ZNF557: variants seen among roughly 807,000 people sequenced by gnomAD.
ZNF557 encodes the protein zinc finger protein 557, also known as CTB-25J19.9.
In ZNF557, 19 loss-of-function variants were observed where a neutral mutation model predicts 21.2. The ratio of observed to expected loss-of-function variants is 0.90; its 90% CI spans 0.63 to 1.32. ZNF557 has a LOEUF of 1.32. Ranked by LOEUF, ZNF557 falls within the 40% of genes most tolerant of loss-of-function variation. The probability of loss-of-function intolerance (pLI) is 0.00; values close to 1 mark genes in which losing one functional copy is unlikely to be tolerated. For synonymous variants in ZNF557, 207 were observed against 194.8 expected (o/e 1.06, Z -0.52); for missense variants, 487 against 519.8 (o/e 0.94, Z 0.61).
chr19:7,074,240 TC>T, intron 2 of ZNF557, among the ~76,000 whole-genome samples: 1 of 151,504 alleles, frequency 6.6e-6, no homozygotes. Flanking sequence ...TCTCCTGACC[TC>T]GTGATCCGCC....
Position 7,076,398 on chromosome 19 carries a change from G to C in ZNF557, c.138G>C (p.Glu46Asp). The C allele has an allele frequency of 6.2e-7, 1 of 1,614,186 alleles. No individual in the cohort carries two copies. Among genetic ancestry groups the C allele is most frequent in the Non-Finnish European group, 8.5e-7 (1 of 1,180,034 alleles). The change falls in exon 5 of 8, where the codon GAG becomes GAC. Residue 46 changes from glutamate to aspartate, a missense_variant. Physicochemically the swap from Glu to Asp is conservative, Grantham distance 45. Transcript: ENST00000252840. Reference sequence around the variant, plus strand: ...TGCTTTAGGGCTTGGTGACCTTTGAGGATGTGGCCGTGGAGTTCACCCAGG... The same window carrying C: ...TGCTTTAGGGCTTGGTGACCTTTGACGATGTGGCCGTGGAGTTCACCCAGG... ...KSWLKGLVTF[E>D]DVAVEFTQEE...
In ZNF557 at chr19:7,083,743, G is replaced by A. The variant is rs186428378; in HGVS notation, c.1292G>A (p.Ter431=). Reference sequence around the variant, plus strand: ...ACGAGAATGCATAATAGGCAAATGTGAATTCAATAACTGTGGGAAAAGCAT... The same window carrying A: ...ACGAGAATGCATAATAGGCAAATGTAAATTCAATAACTGTGGGAAAAGCAT... ...VHTRMHNRQM[*] is the part of the protein sequence containing the mutation. Residue 431 remains the stop codon, a stop_retained_variant, in exon 8 of 8, where the codon TGA becomes TAA. Transcript: ENST00000252840. 1.1e-3 allele frequency: 1,796 copies of A among 1,594,606 alleles called. 2 individuals are homozygous for A. Among genetic ancestry groups the A allele is most frequent in the Non-Finnish European group, 1.4e-3 (1,659 of 1,169,632 alleles).
rs909008716 is a variant in ZNF557, at chr19:7,086,398, G to C, written c.*2654G>C. 4 of 102,876 alleles carry C rather than the reference G, an allele frequency of 3.9e-5. No homozygotes were observed. Among genetic ancestry groups the C allele is most frequent in the Non-Finnish European group, 7.0e-5 (4 of 57,100 alleles). The allele number at this position is 102,876 out of a possible 1,614,324, so 6.4% of individuals were successfully genotyped here. ...TTTTTTTGAGACGGAGTCTTGCTCT[G>C]TTGTCCAGGCTAGAATGCAGTGGCG... On this transcript the variant is annotated 3_prime_UTR_variant, in exon 8 of 8. Coordinates refer to ENST00000252840, the MANE Select transcript of ZNF557 (RefSeq NM_024341.3).
intron 5 of ZNF557, 89 bp downstream of exon 5, chr19:7,076,596 A>C (rs1376148074): frequency 6.5e-7 from 1 of 1,529,368 alleles, no homozygotes; most frequent in Non-Finnish European, 8.8e-7. Flanking sequence ...CACAGGACAC[A>C]AAAGTCACCA....
rs374030333 is a variant in ZNF557 at position 7,074,310 on chromosome 19, G to A, written c.-79-686G>A. On this transcript the variant is annotated intron_variant, in intron 2 of 7. Coordinates refer to ENST00000252840, the MANE Select transcript of ZNF557 (RefSeq NM_024341.3). ...CAGGAGCCACCGCGCCTGGCCAGCC[G>A]CTTTCATCTTTGTGTGTATATACAC... Among the ~76,000 whole-genome samples the A allele has an allele frequency of 1.7e-4, 24 of 139,556 alleles. No individual in the cohort carries two copies. In the East Asian group the frequency reaches 2.3e-3, roughly 13 times the overall value. The allele number at this position is 139,556 out of a possible 152,430, so 91.6% of individuals were successfully genotyped here. A position where few individuals can be genotyped will look rare whatever the true frequency, so the allele number is the denominator to read the frequency against.
chr19:7,075,025 A>G lies in ZNF557; in HGVS notation c.-50A>G. On this transcript the variant is annotated 5_prime_UTR_variant, in exon 3 of 8. Transcript: ENST00000252840. Reference sequence around the variant, plus strand: ...CTGTCCTGAGAGCGCTGCGGGATAAAGGAGGAGCGTCCTGCTTCCCGGCTG... The same window carrying G: ...CTGTCCTGAGAGCGCTGCGGGATAAGGGAGGAGCGTCCTGCTTCCCGGCTG... 6.2e-7 allele frequency: 1 copy of G among 1,613,792 alleles called. No individual in the cohort carries two copies.
At chr19:7,082,121 G>A in intron 7 of ZNF557, 69 bp downstream of exon 7, 3 of 1,310,196 alleles carry the variant, frequency 2.3e-6, no homozygotes, top group Non-Finnish European at 3.3e-6. Context: ...AAGCCACAAG[G>A]ACTGGCCTTG....
At chr19:7,073,157 G>T (rs10412184) in intron 2 of ZNF557, among the ~76,000 whole-genome samples, 1,579 of 135,966 alleles carry the variant, frequency 0.012, 14 homozygotes, top group Non-Finnish European at 0.015. Context: ...GGTTTTTTTT[G>T]TTTTTTTTTT....
chr19:7,076,292 C>T, intron 4 of ZNF557, 89 bp from the exon 5 acceptor site: 1 of 1,613,220 alleles, frequency 6.2e-7, no homozygotes, highest in South Asian at 1.1e-5. Context: ...CAGGTTTCCC[C>T]AGCCCTGGCT....
At chr19:7,073,742 C>G (rs1158640656) in intron 2 of ZNF557, among the ~76,000 whole-genome samples, 1 of 152,152 alleles carries the variant, frequency 6.6e-6, no homozygotes, top group African/African-American at 2.4e-5. Flanking sequence ...CAATCCTTCT[C>G]TCCCCGGAGA....
At position 7,085,930 on chromosome 19, in the gene ZNF557, T is replaced by C. The variant is rs982485722; in HGVS notation, c.*2186T>C. 9.2e-5 allele frequency: 14 copies of C among 152,104 alleles called. No individual in the cohort carries two copies. Among genetic ancestry groups the C allele is most frequent in the African/African-American group, 2.9e-4 (12 of 41,420 alleles). 9.4% of individuals were successfully genotyped at this position (152,104 alleles called of 1,614,324 possible). A position where few individuals can be genotyped will look rare whatever the true frequency, so the allele number is the denominator to read the frequency against. ...AGCTCCTGAGTGATCTAGTTTGTTATAATAGAAATTAGACATTTGCCAGGT... is the reference window on the plus strand; with the variant it reads ...AGCTCCTGAGTGATCTAGTTTGTTACAATAGAAATTAGACATTTGCCAGGT... On this transcript the variant is annotated 3_prime_UTR_variant, in exon 8 of 8. Coordinates refer to ENST00000252840, the MANE Select transcript of ZNF557 (RefSeq NM_024341.3).
chr19:7,074,983 C>T lies in ZNF557; in HGVS notation c.-79-13C>T. Reference sequence around the variant, plus strand: ...GGGTGACCGAGGCAGAGTGTTCCCCCCATTTCTTCCAGGGTGCTGTCCTGA... The same window carrying T: ...GGGTGACCGAGGCAGAGTGTTCCCCTCATTTCTTCCAGGGTGCTGTCCTGA... On this transcript the variant is annotated splice_polypyrimidine_tract_variant and intron_variant, in intron 2 of 7. Transcript: ENST00000252840. 6.2e-7 allele frequency: 1 copy of T among 1,603,410 alleles called. No individual in the cohort carries two copies. Among genetic ancestry groups the T allele is most frequent in the Non-Finnish European group, 8.5e-7 (1 of 1,173,496 alleles).
At chr19:7,072,448 G>A (rs576518132) in intron 2 of ZNF557, among the ~76,000 whole-genome samples, 1 of 152,176 alleles carries the variant, frequency 6.6e-6, no homozygotes, top group African/African-American at 2.4e-5. Context: ...AGATAAATTT[G>A]CTTTAGTCAC....
chr19:7,071,429 C>G (rs929782416), intron 2 of ZNF557, among the ~76,000 whole-genome samples: 4 of 152,110 alleles, frequency 2.6e-5, no homozygotes, highest in African/African-American at 9.7e-5. Context: ...GGTTAATGCC[C>G]CTATTGAACA....
chr19:7,069,991 T>C (rs1977428042), intron 1 of ZNF557, among the ~76,000 whole-genome samples: 1 of 152,214 alleles, frequency 6.6e-6, no homozygotes, highest in Non-Finnish European at 1.5e-5. Flanking sequence ...CTTTTGGCTA[T>C]AGTTGGAGAC....
At position 7,069,753 on chromosome 19, in the gene ZNF557, C is replaced by T. The variant is rs1320993112; in HGVS notation, c.-192C>T. ...AGCGTCTGGGAGAATCTTTCGGTCT[C>T]CGCGAGAGGTGCTTCATTCCGTGAG... On this transcript the variant is annotated 5_prime_UTR_variant, in exon 1 of 8. Transcript: ENST00000252840. 1.3e-5 allele frequency: 2 copies of T among 152,282 alleles called. No homozygotes were observed. The highest frequency in any genetic ancestry group is 1.3e-4 in the Admixed American group (2 of 15,292). The allele number at this position is 152,282 out of a possible 1,614,324, so 9.4% of individuals were successfully genotyped here. A position where few individuals can be genotyped will look rare whatever the true frequency, so the allele number is the denominator to read the frequency against.
chr19:7,071,119 T>G (rs1453791722), intron 2 of ZNF557, among the ~76,000 whole-genome samples: 3 of 152,184 alleles, frequency 2.0e-5, no homozygotes, highest in Non-Finnish European at 4.4e-5. Context: ...TACTAAGGGG[T>G]GTGTGATAAT....
chr19:7,083,549 C>T lies in ZNF557; in HGVS notation c.1098C>T (p.His366=). The T allele has an allele frequency of 6.2e-7, 1 of 1,614,128 alleles. No homozygotes were observed. Among genetic ancestry groups the T allele is most frequent in the Non-Finnish European group, 8.5e-7 (1 of 1,180,016 alleles). ...SFTNSFSLTI[H]RRIHNGEKSY... is the part of the protein sequence containing the mutation. Reference sequence around the variant, plus strand: ...CCAATAGCTTTTCTCTTACAATTCACAGGAGAATACATAATGGAGAGAAAT... The same window carrying T: ...CCAATAGCTTTTCTCTTACAATTCATAGGAGAATACATAATGGAGAGAAAT... Residue 366 remains histidine, a synonymous_variant, in exon 8 of 8, where the codon CAC becomes CAT. Transcript: ENST00000252840.
At chr19:7,074,360 C>A (rs903627120) in intron 2 of ZNF557, among the ~76,000 whole-genome samples, 12 of 92,752 alleles carry the variant, frequency 1.3e-4, no homozygotes, top group Admixed American at 6.4e-4. Context: ...ACACACACAG[C>A]CCTTCTTTTC....
Sources: allele counts gnomAD v4.1 joint callset (sites outside exome capture counted in the v4.1 genomes callset), GRCh38; gene constraint gnomAD v4.1.1; transcripts MANE v1.5; gene names NCBI Gene and HGNC (gene_info 2026-07-23, HGNC 2026-07-21).